The following KHDRBS2 variants were observed in gnomAD, a reference collection of about 807,000 sequenced individuals.
KHDRBS2 encodes KH RNA binding domain containing, signal transduction associated 2.
In KHDRBS2, 26 loss-of-function variants were observed where a neutral mutation model predicts 44.3. That is an observed-to-expected ratio of 0.59 (90% confidence interval 0.43 to 0.81). The LOEUF is 0.81. Among genes scored for constraint, KHDRBS2 ranks in the 40% least tolerant of loss-of-function variants. KHDRBS2 has a pLI of 0.00. For synonymous variants in KHDRBS2, 194 were observed against 151.1 expected (o/e 1.28, Z -2.08); for missense variants, 476 against 433.1 (o/e 1.10, Z -0.88).
the KHDRBS2 span, among the ~76,000 whole-genome samples, chr6:61,631,857 G>C: frequency 6.6e-6 from 1 of 152,052 alleles, no homozygotes; most frequent in African/African-American, 2.4e-5. Context: ...TTTTCCTTAG[G>C]AATGGTCATT....
chr6:61,932,216 A>G lies in KHDRBS2; in HGVS notation c.484-30845T>C, dbSNP rs142914160. On this transcript the variant is annotated intron_variant, in intron 4 of 8. Transcript: ENST00000281156. ...TGTTGTTTAAGGGTCAACTATACAT[A>G]TACATTGTGGAATGGTTAAATCTAG... Among the ~76,000 whole-genome samples the G allele has an allele frequency of 2.5e-3, 378 of 152,286 alleles. 3 individuals are homozygous for G. The highest frequency in any genetic ancestry group is 8.5e-3 in the African/African-American group (352 of 41,550).
intron 6 of KHDRBS2, among the ~76,000 whole-genome samples, chr6:61,746,411 G>C (rs1408115022): frequency 6.6e-6 from 1 of 152,008 alleles, no homozygotes; most frequent in African/African-American, 2.4e-5. Context: ...TGCTGTGTTT[G>C]GTTTTCTGTT....
At chr6:61,995,521 G>C (rs1326787420) in intron 3 of KHDRBS2, among the ~76,000 whole-genome samples, 1 of 152,104 alleles carries the variant, frequency 6.6e-6, no homozygotes, top group Non-Finnish European at 1.5e-5. Flanking sequence ...TGTTTGCTTT[G>C]GGAAGTCCAG....
chr6:61,689,041 A>G (rs1449135921), intron 8 of KHDRBS2, among the ~76,000 whole-genome samples: 1 of 151,952 alleles, frequency 6.6e-6, no homozygotes, highest in Non-Finnish European at 1.5e-5. Context: ...AAGGCTGGAT[A>G]TTGATATGAT....
At chr6:62,010,759 G>A (rs962675023) in intron 3 of KHDRBS2, among the ~76,000 whole-genome samples, 1 of 152,174 alleles carries the variant, frequency 6.6e-6, no homozygotes, top group African/African-American at 2.4e-5. Context: ...CTTCCACCAC[G>A]ATTGTAATAG....
intron 7 of KHDRBS2, among the ~76,000 whole-genome samples, chr6:61,726,079 A>C (rs1029749030): frequency 2.6e-5 from 4 of 152,162 alleles, no homozygotes; most frequent in Non-Finnish European, 4.4e-5. Flanking sequence ...ATCCAGCAGC[A>C]CATCAAAAAA....
chr6:61,670,849 AT>A, the KHDRBS2 span, among the ~76,000 whole-genome samples: 1 of 151,472 alleles, frequency 6.6e-6, no homozygotes, highest in Non-Finnish European at 1.5e-5. Flanking sequence ...TCCTTTTATA[AT>A]TTCTGGTTTA....
rs1450102892 is a variant in KHDRBS2, at chr6:62,177,289, C to A, written c.115G>T (p.Asp39Tyr). The change falls in exon 2 of 9, where the codon GAT becomes TAT. Residue 39 changes from aspartate to tyrosine, a missense_variant. Asp to Tyr is a radical substitution (Grantham distance 160). Transcript: ENST00000281156. The part of the protein sequence containing the change: ...AEEIEKFQGS[D>Y]GKKEDEEKKY... Reference sequence around the variant, plus strand: ...TTTTCTTCGTCTTCCTTTTTTCCATCAGAACCTTGAAACTTTTCAATTTCT... The same window carrying A: ...TTTTCTTCGTCTTCCTTTTTTCCATAAGAACCTTGAAACTTTTCAATTTCT... 2 of 1,597,940 alleles carry A rather than the reference C, an allele frequency of 1.3e-6. No individual in the cohort carries two copies. Among genetic ancestry groups the A allele is most frequent in the South Asian group, 1.1e-5 (1 of 89,860 alleles).
At chr6:62,172,908 T>C (rs961582717) in intron 2 of KHDRBS2, among the ~76,000 whole-genome samples, 3 of 151,822 alleles carry the variant, frequency 2.0e-5, no homozygotes, top group East Asian at 3.9e-4. Flanking sequence ...AGATAGAACG[T>C]ACAAGAGTCA....
intron 4 of KHDRBS2, among the ~76,000 whole-genome samples, chr6:61,912,083 A>G (rs1409310653): frequency 6.6e-6 from 1 of 152,166 alleles, no homozygotes; most frequent in Non-Finnish European, 1.5e-5. Flanking sequence ...AGAGCAGACA[A>G]GGGTTAAGAA....
At chr6:61,699,206 G>A (rs1272663145) in intron 7 of KHDRBS2, among the ~76,000 whole-genome samples, 1 of 151,934 alleles carries the variant, frequency 6.6e-6, no homozygotes, top group Non-Finnish European at 1.5e-5. Context: ...CTCATAGGAA[G>A]CCCAGACACC....
At chr6:62,124,951 T>C (rs539640651) in intron 2 of KHDRBS2, among the ~76,000 whole-genome samples, 86 of 152,348 alleles carry the variant, frequency 5.6e-4, no homozygotes, top group African/African-American at 2.0e-3. Flanking sequence ...TGTAAGGTTA[T>C]ATCATATTGT....
intron 2 of KHDRBS2, among the ~76,000 whole-genome samples, chr6:62,166,336 C>G (rs1307033540): frequency 1.3e-5 from 2 of 151,946 alleles, no homozygotes; most frequent in Non-Finnish European, 2.9e-5. Flanking sequence ...TTGGTATTCA[C>G]AAGTGAGGTT....
At chr6:61,868,531 G>A (rs1172744147) in intron 6 of KHDRBS2, among the ~76,000 whole-genome samples, 1 of 152,214 alleles carries the variant, frequency 6.6e-6, no homozygotes, top group Non-Finnish European at 1.5e-5. Flanking sequence ...CCCCAGCTGG[G>A]AGGTCCTGCC....
chr6:62,111,000 T>TAAATATATA (rs1276923705), intron 2 of KHDRBS2, among the ~76,000 whole-genome samples: 3 of 152,112 alleles, frequency 2.0e-5, no homozygotes, highest in African/African-American at 7.2e-5. Flanking sequence ...ATAACTCCAT[T>TAAATATATA]AAATATATAA....
intron 2 of KHDRBS2, among the ~76,000 whole-genome samples, chr6:62,089,761 A>G (rs1425103821): frequency 6.6e-6 from 1 of 152,130 alleles, no homozygotes; most frequent in African/African-American, 2.4e-5. Flanking sequence ...ATTAAGACAC[A>G]TATTTGTTTT....
intron 2 of KHDRBS2, among the ~76,000 whole-genome samples, chr6:62,054,635 G>A (rs565286205): frequency 3.9e-5 from 6 of 152,116 alleles, no homozygotes; most frequent in African/African-American, 7.2e-5. Context: ...GCATGGGCTC[G>A]AGGGATACAA....
At chr6:61,587,340 C>T in the KHDRBS2 span, among the ~76,000 whole-genome samples, 2 of 149,040 alleles carry the variant, frequency 1.3e-5, no homozygotes, top group East Asian at 4.0e-4. Flanking sequence ...GCTAGGGAGA[C>T]TATGAAGAGA....
chr6:61,741,968 A>G (rs1413615593), intron 6 of KHDRBS2, among the ~76,000 whole-genome samples: 1 of 152,030 alleles, frequency 6.6e-6, no homozygotes, highest in Non-Finnish European at 1.5e-5. Context: ...AGGCATTACA[A>G]TAAAATACAT....
Sources: allele counts gnomAD v4.1 joint callset (sites outside exome capture counted in the v4.1 genomes callset), GRCh38; gene constraint gnomAD v4.1.1; transcripts MANE v1.5; gene names NCBI Gene and HGNC (gene_info 2026-07-23, HGNC 2026-07-21).